Variants in SLC9A4 observed in about 807,000 individuals in gnomAD.
The protein encoded by SLC9A4 is solute carrier family 9 member A4, also known as sodium/hydrogen exchanger 4.
Under a neutral mutation model 67.4 loss-of-function variants are expected in SLC9A4, and 63 were observed. That is an observed-to-expected ratio of 0.93 (90% CI 0.76 to 1.15). The LOEUF is 1.15. Ranked by LOEUF, SLC9A4 falls within the 50% of genes most tolerant of loss-of-function variation. SLC9A4 has a pLI of 0.00. For missense variants in SLC9A4, 1,089 were observed against 987.7 expected (o/e 1.10, Z -1.38); for synonymous variants, 393 against 367.2 (o/e 1.07, Z -0.80).
At chr2:102,485,024 A>G (rs1684556568) in intron 2 of SLC9A4, among the ~76,000 whole-genome samples, 1 of 152,030 alleles carries the variant, frequency 6.6e-6, no homozygotes, top group Admixed American at 6.6e-5. Context: ...GCTTCATGCC[A>G]TTTTCCTTAT....
chr2:102,487,818 A>C (rs2104420327), intron 2 of SLC9A4, among the ~76,000 whole-genome samples: 1 of 152,314 alleles, frequency 6.6e-6, no homozygotes, highest in Middle Eastern at 3.4e-3. Flanking sequence ...AACAGGGAGA[A>C]AAGCAATGTC....
At chr2:102,497,441 GTAAAC>G (rs1684833512) in intron 2 of SLC9A4, among the ~76,000 whole-genome samples, 1 of 152,096 alleles carries the variant, frequency 6.6e-6, no homozygotes, top group African/African-American at 2.4e-5. Context: ...TCATTAACAG[GTAAAC>G]AGGTAAATAA....
chr2:102,503,805 G>T, intron 3 of SLC9A4, 98 bp downstream of exon 3: 1 of 1,455,818 alleles, frequency 6.9e-7, no homozygotes. Flanking sequence ...AACCAATGAC[G>T]CTAACCCTCC....
At chr2:102,518,975 C>T (rs1685337507) in intron 8 of SLC9A4, among the ~76,000 whole-genome samples, 1 of 152,156 alleles carries the variant, frequency 6.6e-6, no homozygotes, top group Admixed American at 6.5e-5. Flanking sequence ...TTCTTATGTT[C>T]CACATGGAAT....
Position 102,533,433 on chromosome 2 carries a change from G to T in SLC9A4, c.*745G>T, listed in dbSNP as rs1440347061. On this transcript the variant is annotated 3_prime_UTR_variant, in exon 12 of 12. Coordinates refer to ENST00000295269, the MANE Select transcript of SLC9A4 (RefSeq NM_001011552.4). ...ATGTTAACAACAAGTATTTATAAGGGGTGCATTTGTAGGGTGTGACATTTT... is the reference window on the plus strand; with the variant it reads ...ATGTTAACAACAAGTATTTATAAGGTGTGCATTTGTAGGGTGTGACATTTT... 1 of 151,972 alleles carries T rather than the reference G, an allele frequency of 6.6e-6. No individual in the cohort carries two copies. The highest frequency in any genetic ancestry group is 2.4e-5 in the African/African-American group (1 of 41,306). The allele number at this position is 151,972 out of a possible 1,614,324, so 9.4% of individuals were successfully genotyped here.
intron 2 of SLC9A4, among the ~76,000 whole-genome samples, chr2:102,500,714 G>C (rs1346386072): frequency 1.3e-5 from 2 of 152,114 alleles, no homozygotes; most frequent in Non-Finnish European, 2.9e-5. Flanking sequence ...CAGTTACATG[G>C]TGACTGCAGC....
At chr2:102,479,448 C>G in intron 2 of SLC9A4, 146 bp downstream of exon 2, 1 of 851,298 alleles carries the variant, frequency 1.2e-6, no homozygotes, top group Middle Eastern at 3.5e-4. Flanking sequence ...GGTCCGAGTT[C>G]TGGTGAATTT....
rs536280668 is a variant in SLC9A4, at chr2:102,503,027, A to G, written c.721-421A>G. Among the ~76,000 whole-genome samples the G allele has an allele frequency of 2.0e-5, 3 of 152,372 alleles. No individual in the cohort carries two copies. In the South Asian group the frequency reaches 6.2e-4, roughly 32 times the overall value. ...CACAGGCCCCAGAAAAACTGCAGGA[A>G]GGCCCTTCTGCCTGCACCTGAATGT... On this transcript the variant is annotated intron_variant, in intron 2 of 11. Transcript: ENST00000295269.
intron 8 of SLC9A4, among the ~76,000 whole-genome samples, chr2:102,517,264 T>C (rs1685293693): frequency 6.6e-6 from 1 of 152,196 alleles, no homozygotes. Flanking sequence ...AGTCTTCTTG[T>C]CTTCTGAGCC....
At position 102,503,650 on chromosome 2, in the gene SLC9A4, T is replaced by C. The variant is rs773428098; in HGVS notation, c.923T>C (p.Met308Thr). The C allele has an allele frequency of 5.6e-6, 9 of 1,614,094 alleles. 1 individual carries two copies. In the South Asian group the frequency reaches 7.7e-5, roughly 14 times the overall value. Residue 308 changes from methionine (M) to threonine (T), a missense_variant, in exon 3 of 12, where the codon ATG (methionine) becomes ACG (threonine). Transcript: ENST00000295269. ...ISAIEPLIVF[M>T]FSYLSYLAAE... ...GCAATTGAGCCACTCATCGTCTTCA[T>C]GTTCAGCTATTTGTCTTACTTAGCT...
At chr2:102,491,243 C>A (rs1248189534) in intron 2 of SLC9A4, among the ~76,000 whole-genome samples, 1 of 147,906 alleles carries the variant, frequency 6.8e-6, no homozygotes, top group Non-Finnish European at 1.5e-5. Flanking sequence ...ATCAGGGATG[C>A]ATTTGGTCGC....
chr2:102,503,665 C>A lies in SLC9A4; in HGVS notation c.938C>A (p.Ser313Tyr). 9 of 1,614,162 alleles carry A rather than the reference C, an allele frequency of 5.6e-6. No individual in the cohort carries two copies. The highest frequency in any genetic ancestry group is 7.6e-6 in the Non-Finnish European group (9 of 1,180,024). The change falls in exon 3 of 12, where the codon TCT (serine) becomes TAT (tyrosine). Residue 313 changes from serine (S) to tyrosine (Y), a missense_variant. Coordinates refer to ENST00000295269, the MANE Select transcript of SLC9A4 (RefSeq NM_001011552.4). ...ATCGTCTTCATGTTCAGCTATTTGT[C>A]TTACTTAGCTGCTGAAACCCTCTAT... ...PLIVFMFSYL[S>Y]YLAAETLYLS...
intron 2 of SLC9A4, among the ~76,000 whole-genome samples, chr2:102,502,986 C>T (rs1030297598): frequency 6.6e-6 from 1 of 152,212 alleles, no homozygotes; most frequent in Non-Finnish European, 1.5e-5. Context: ...CTCACACCCA[C>T]GTGGCTGACT....
At chr2:102,500,149 C>T (rs374575450) in intron 2 of SLC9A4, among the ~76,000 whole-genome samples, 1 of 152,102 alleles carries the variant, frequency 6.6e-6, no homozygotes, top group African/African-American at 2.4e-5. Flanking sequence ...TGCCTGATGT[C>T]CTTATAAGAA....
chr2:102,524,586 T>TGTGTG (rs1674618459), intron 9 of SLC9A4, among the ~76,000 whole-genome samples: 1 of 69,540 alleles, frequency 1.4e-5, no homozygotes, highest in Non-Finnish European at 3.1e-5. Flanking sequence ...GTGTGTGTGT[T>TGTGTG]TGTGTGCTTG....
At chr2:102,516,351 T>C (rs1289413266) in intron 8 of SLC9A4, among the ~76,000 whole-genome samples, 2 of 152,224 alleles carry the variant, frequency 1.3e-5, no homozygotes, top group African/African-American at 4.8e-5. Flanking sequence ...AGTATTTAAA[T>C]TGCCTTTATT....
rs1357278786 is a variant in SLC9A4, at chr2:102,508,247, C to T, written c.1367C>T (p.Thr456Ile). ...FPRKKMFVTA[T>I]LVVIYFTVFI... ...AGGAAGAAAATGTTTGTCACTGCTA[C>T]TCTAGTAGTTATATACTTTACTGTA... is the stretch of plus-strand genomic sequence containing the variant. Residue 456 changes from threonine (T) to isoleucine (I), a missense_variant, in exon 5 of 12, where the codon ACT (threonine) becomes ATT (isoleucine). Thr to Ile is a moderately conservative substitution (Grantham distance 89). Coordinates refer to ENST00000295269, the MANE Select transcript of SLC9A4 (RefSeq NM_001011552.4). The T allele has an allele frequency of 1.2e-6, 2 of 1,613,752 alleles. No homozygotes were observed. Among genetic ancestry groups the T allele is most frequent in the African/African-American group, 2.7e-5 (2 of 74,888 alleles).
At chr2:102,483,746 G>A (rs1430075158) in intron 2 of SLC9A4, among the ~76,000 whole-genome samples, 1 of 149,208 alleles carries the variant, frequency 6.7e-6, no homozygotes, top group Non-Finnish European at 1.5e-5. Flanking sequence ...TACAACGTGA[G>A]AAGATGGATA....
intron 1 of SLC9A4, among the ~76,000 whole-genome samples, chr2:102,476,953 G>C (rs1302417526): frequency 6.6e-6 from 1 of 152,146 alleles, no homozygotes; most frequent in South Asian, 2.1e-4. Context: ...ATGAAAGTGG[G>C]GATGGTATTC....
Sources: gnomAD v4.1 joint callset for allele counts (sites outside exome capture counted in the v4.1 genomes callset) on GRCh38, gnomAD v4.1.1 for gene constraint, MANE v1.5 for transcripts, NCBI Gene and HGNC (gene_info 2026-07-23, HGNC 2026-07-21) for gene names.